EYS: variants seen among roughly 807,000 people sequenced by gnomAD.
EYS encodes the protein EGF-like photoreceptor maintenance factor, also known as protein eyes shut homolog.
In EYS, 250 loss-of-function variants were observed where a neutral mutation model predicts 282.1. The observed-to-expected ratio is 0.89, with a 90% confidence interval of 0.80 to 0.98. The LOEUF (loss-of-function observed/expected upper bound fraction) is 0.98, where lower values mean the gene tolerates loss of function less well. EYS is among the 50% of genes least tolerant of loss of function. EYS has a pLI of 0.00. For synonymous variants in EYS, 1,355 were observed against 1,282.9 expected (o/e 1.06, Z -1.20); for missense variants, 4,016 against 3,709.0 (o/e 1.08, Z -2.15).
chr6:63,795,668 G>A (rs766555369), intron 37 of EYS, among the ~76,000 whole-genome samples: 2 of 152,104 alleles, frequency 1.3e-5, no homozygotes, highest in African/African-American at 2.4e-5. Flanking sequence ...TAAACCTAAA[G>A]GTTTTACTAT....
At chr6:64,896,273 C>G (rs1274121378) in intron 18 of EYS, among the ~76,000 whole-genome samples, 1 of 152,052 alleles carries the variant, frequency 6.6e-6, no homozygotes, top group Non-Finnish European at 1.5e-5. Context: ...GTGGGTACAG[C>G]CCACGGAGGG....
At chr6:63,767,864 T>G (rs1427651922) in intron 40 of EYS, among the ~76,000 whole-genome samples, 2 of 152,104 alleles carry the variant, frequency 1.3e-5, no homozygotes, top group African/African-American at 4.8e-5. Flanking sequence ...ATGGCACTGG[T>G]GCAGAAACAG....
intron 40 of EYS, among the ~76,000 whole-genome samples, chr6:63,768,449 C>G (rs536445203): frequency 1.8e-4 from 28 of 151,842 alleles, no homozygotes; most frequent in Non-Finnish European, 3.5e-4. Flanking sequence ...AGAAGACATA[C>G]ATGAAATCAA....
intron 12 of EYS, among the ~76,000 whole-genome samples, chr6:65,233,260 C>G (rs1228310420): frequency 6.6e-6 from 1 of 152,076 alleles, no homozygotes; most frequent in East Asian, 1.9e-4. Flanking sequence ...ATTTCTGTTG[C>G]AAGTGGGATA....
intron 22 of EYS, among the ~76,000 whole-genome samples, chr6:64,681,806 G>GT (rs1769908129): frequency 6.6e-6 from 1 of 152,196 alleles, no homozygotes; most frequent in Non-Finnish European, 1.5e-5. Flanking sequence ...TGTGGCGGGA[G>GT]TTACGTGCTA....
intron 23 of EYS, among the ~76,000 whole-genome samples, chr6:64,624,635 T>C (rs6912039): frequency 0.71 from 108,048 of 152,036 alleles, 38,653 homozygotes; most frequent in South Asian, 0.82. Context: ...CTAGTACTAG[T>C]AATGAATGTT....
intron 37 of EYS, chr6:63,797,698 A>G (rs961136245): frequency 5.3e-5 from 8 of 152,238 alleles, no homozygotes; most frequent in African/African-American, 1.7e-4. Flanking sequence ...CATTGAGCAC[A>G]ATGGATACAA....
At chr6:64,951,762 T>C (rs981306147) in intron 14 of EYS, among the ~76,000 whole-genome samples, 20 of 151,736 alleles carry the variant, frequency 1.3e-4, no homozygotes, top group African/African-American at 4.4e-4. Context: ...AACTTGCTAG[T>C]AAAAGATATA....
At chr6:64,574,857 T>C (rs2149820030) in intron 26 of EYS, among the ~76,000 whole-genome samples, 1 of 152,268 alleles carries the variant, frequency 6.6e-6, no homozygotes, top group Non-Finnish European at 1.5e-5. Context: ...CTTATATGCC[T>C]TCAGGTATAA....
chr6:65,437,816 C>A (rs1294742387), intron 5 of EYS, among the ~76,000 whole-genome samples: 1 of 152,008 alleles, frequency 6.6e-6, no homozygotes, highest in Non-Finnish European at 1.5e-5. Context: ...TTTCAAACAC[C>A]TCCAAATTTA....
intron 5 of EYS, among the ~76,000 whole-genome samples, chr6:65,414,449 A>G (rs1050506281): frequency 1.3e-5 from 2 of 152,180 alleles, no homozygotes; most frequent in Non-Finnish European, 2.9e-5. Context: ...ATGGAATTAT[A>G]GAGACTGGAT....
chr6:65,024,338 TA>T (rs1466173341), intron 13 of EYS, among the ~76,000 whole-genome samples: 4 of 152,214 alleles, frequency 2.6e-5, no homozygotes, highest in Non-Finnish European at 4.4e-5. Context: ...AAGTGATTTC[TA>T]TAACCAAGTC....
At chr6:65,094,133 A>G (rs185243693) in intron 12 of EYS, among the ~76,000 whole-genome samples, 2 of 151,676 alleles carry the variant, frequency 1.3e-5, no homozygotes, top group East Asian at 3.9e-4. Context: ...AGAAGATTAT[A>G]TAATGATAAC....
chr6:64,387,215 A>G (rs1007976228), intron 29 of EYS, among the ~76,000 whole-genome samples: 3 of 152,092 alleles, frequency 2.0e-5, no homozygotes, highest in African/African-American at 7.2e-5. Flanking sequence ...ATGACAGCCT[A>G]CATATTATTT....
At position 65,004,361 on chromosome 6, in the gene EYS, A is replaced by C. The variant is rs1234469337; in HGVS notation, c.2138-6658T>G. Among the ~76,000 whole-genome samples, 4 of 147,660 alleles carry C rather than the reference A, an allele frequency of 2.7e-5. 1 individual carries two copies. The highest frequency in any genetic ancestry group is 4.5e-5 in the Non-Finnish European group (3 of 65,950). ...TTGATGTTCAAGCCAGGCTAAAGTC[A>C]GTAAATAATCATGGTTATATCCTAA... On this transcript the variant is annotated intron_variant, in intron 13 of 42. Coordinates refer to ENST00000503581, the MANE Select transcript of EYS (RefSeq NM_001142800.2).
In EYS at chr6:64,782,082, G is replaced by A. The variant is rs186734277; in HGVS notation, c.3443+31296C>T. Among the ~76,000 whole-genome samples, 192 of 152,288 alleles carry A rather than the reference G, an allele frequency of 1.3e-3. 2 individuals carry two copies. The highest frequency in any genetic ancestry group is 4.5e-3 in the African/African-American group (185 of 41,568). ...ACTGCCCACTTTTAAATGTCTGTAA[G>A]ATTTAGTGTTTACAATGTCTCTTGG... On this transcript the variant is annotated intron_variant, in intron 22 of 42. Coordinates refer to ENST00000503581, the MANE Select transcript of EYS (RefSeq NM_001142800.2).
chr6:64,215,685 T>C (rs1419466729), intron 31 of EYS, among the ~76,000 whole-genome samples: 1 of 152,016 alleles, frequency 6.6e-6, no homozygotes, highest in Non-Finnish European at 1.5e-5. Context: ...TAAAAATGTT[T>C]AATTTTTTTT....
At chr6:65,413,024 T>C (rs1767085291) in intron 5 of EYS, among the ~76,000 whole-genome samples, 3 of 152,164 alleles carry the variant, frequency 2.0e-5, no homozygotes, top group African/African-American at 4.8e-5. Flanking sequence ...TTAATTTACC[T>C]GATCCCATCA....
chr6:64,454,869 C>T (rs192724114), intron 26 of EYS, among the ~76,000 whole-genome samples: 3 of 152,158 alleles, frequency 2.0e-5, no homozygotes, highest in Admixed American at 6.5e-5. Context: ...CCTTATATGA[C>T]GACTTCTATG....
Sources: allele counts gnomAD v4.1 joint callset (sites outside exome capture counted in the v4.1 genomes callset), GRCh38; gene constraint gnomAD v4.1.1; transcripts MANE v1.5; gene names NCBI Gene and HGNC (gene_info 2026-07-23, HGNC 2026-07-21).